The following FBXO31 variants were observed in gnomAD, a reference collection of about 807,000 sequenced individuals.
The protein encoded by FBXO31 is F-box protein 31, also known as F-box only protein 31.
A neutral mutation model predicts 54.4 loss-of-function variants in FBXO31; 24 were observed. The ratio of observed to expected loss-of-function variants is 0.44; its 90% CI spans 0.32 to 0.62. FBXO31 has a LOEUF of 0.62. FBXO31 is among the 20% of genes least tolerant of loss of function. FBXO31 has a pLI of 0.05. For synonymous variants in FBXO31, 388 were observed against 335.6 expected (o/e 1.16, Z -1.71); for missense variants, 665 against 787.1 (o/e 0.84, Z 1.86).
chr16:87,333,966 C>G lies in FBXO31; in HGVS notation c.1317G>C (p.Gln439His). 2 of 1,612,718 alleles carry G rather than the reference C, an allele frequency of 1.2e-6. No homozygotes were observed. The highest frequency in any genetic ancestry group is 1.7e-6 in the Non-Finnish European group (2 of 1,179,792). ...DAVAAAEQPAQCGQGQPFVLP... is the reference protein window; with the variant it reads ...DAVAAAEQPAHCGQGQPFVLP... ...GCACGAACGGCTGCCCCTGCCCACA[C>G]TGGGCAGGCTGCTCGGCCGCAGCTA... Residue 439 changes from glutamine to histidine, a missense_variant, in exon 8 of 9, where the codon CAG becomes CAC. Physicochemically the swap from Gln to His is conservative, Grantham distance 24. Around this residue, in one of 4 missense-constraint regions of FBXO31, gnomAD observed 165 missense variants for 159.7 expected, o/e 1.03. Coordinates refer to ENST00000311635, the MANE Select transcript of FBXO31 (RefSeq NM_024735.5).
rs1905415303 is a variant in FBXO31 at position 87,346,934 on chromosome 16, C to T, written c.489+240G>A. Among the ~76,000 whole-genome samples the T allele has an allele frequency of 6.6e-6, 1 of 152,220 alleles. No homozygotes were observed. On this transcript the variant is annotated intron_variant, in intron 3 of 8. Coordinates refer to ENST00000311635, the MANE Select transcript of FBXO31 (RefSeq NM_024735.5). The surrounding 1 kb of genome is among the most constrained non-coding windows in gnomAD (Gnocchi z 4.2). ...AAGCAAAGGCCCTCACAAGCCACCC[C>T]CTCAGACCAGAGAGTCCAAGGACGG...
intron 1 of FBXO31, chr16:87,389,653 A>C (rs1907451292): frequency 6.6e-6 from 1 of 152,216 alleles, no homozygotes; most frequent in African/African-American, 2.4e-5. Context: ...TCCAGAAAAG[A>C]AAGCAACACA....
At chr16:87,343,489 G>A (rs991293948) in intron 4 of FBXO31, 109 bp downstream of exon 4, 10 of 1,355,958 alleles carry the variant, frequency 7.4e-6, no homozygotes, top group Admixed American at 2.3e-5. Context: ...CCCACCCGCC[G>A]ATCTGCTACA....
intron 1 of FBXO31, among the ~76,000 whole-genome samples, chr16:87,365,029 A>C (rs868106353): frequency 1.9e-5 from 2 of 107,106 alleles, no homozygotes; most frequent in Admixed American, 1.0e-4. Context: ...ATATATATAT[A>C]TATATATATA....
At position 87,336,984 on chromosome 16, in the gene FBXO31, G is replaced by C. The variant is rs1180963072; in HGVS notation, c.733-720C>G. Among the ~76,000 whole-genome samples, 1 of 152,104 alleles carries C rather than the reference G, an allele frequency of 6.6e-6. No homozygotes were observed. Among genetic ancestry groups the C allele is most frequent in the Non-Finnish European group, 1.5e-5 (1 of 68,024 alleles). ...ATTATCTAGACCTAACTCTGAAAGG[G>C]ACGCATAAGCAACTCACAAAAAAGA... On this transcript the variant is annotated intron_variant, in intron 5 of 8. Coordinates refer to ENST00000311635, the MANE Select transcript of FBXO31 (RefSeq NM_024735.5). The surrounding 1 kb of genome is among the most constrained non-coding windows in gnomAD (Gnocchi z 6.5).
rs180834905 is a variant in FBXO31 at position 87,335,516 on chromosome 16, G to A, written c.843-59C>T. 18 of 1,069,600 alleles carry A rather than the reference G, an allele frequency of 1.7e-5. No homozygotes were observed. Among genetic ancestry groups the A allele is most frequent in the East Asian group, 1.3e-4 (3 of 22,936 alleles). The allele number at this position is 1,069,600 out of a possible 1,614,324, so 66.3% of individuals were successfully genotyped here. A position where few individuals can be genotyped will look rare whatever the true frequency, so the allele number is the denominator to read the frequency against. On this transcript the variant is annotated intron_variant, in intron 6 of 8. Coordinates refer to ENST00000311635, the MANE Select transcript of FBXO31 (RefSeq NM_024735.5). The surrounding 1 kb of genome is among the most constrained non-coding windows in gnomAD (Gnocchi z 5.7). ...TCGTGGGGCAGGCAGGACTGAGAAC[G>A]CCCAAGGTGCCAGGGATGAGCTTTG...
Position 87,380,782 on chromosome 16 carries a change from G to C in FBXO31, c.340+2623C>G, listed in dbSNP as rs111960009. Among the ~76,000 whole-genome samples the C allele has an allele frequency of 6.6e-5, 10 of 152,374 alleles. 1 individual carries two copies. The highest frequency in any genetic ancestry group is 2.4e-4 in the African/African-American group (10 of 41,594). ...CGCTGAGAACCGCAGCAGTGGGAAA[G>C]AAAGGATTGAAGGGTCCTATATCTG... is the stretch of plus-strand genomic sequence containing the variant. On this transcript the variant is annotated intron_variant, in intron 1 of 8. Coordinates refer to ENST00000311635, the MANE Select transcript of FBXO31 (RefSeq NM_024735.5).
At position 87,347,186 on chromosome 16, in the gene FBXO31, C is replaced by T. The variant is rs2150676975; in HGVS notation, c.477G>A (p.Leu159=). Residue 159 remains leucine (L), a synonymous_variant, in exon 3 of 9, where the codon CTG becomes CTA. Transcript: ENST00000311635. ...WQPDIGPYGG[L]LNVVVDGLFI... ...CTCCGGGACTTACCACCACGTTCAG[C>T]AGTCCTCCGTATGGCCCGATATCTG... The T allele has an allele frequency of 6.2e-7, 1 of 1,614,086 alleles. No homozygotes were observed.
At chr16:87,339,782 A>G (rs1905136297) in intron 5 of FBXO31, among the ~76,000 whole-genome samples, 1 of 152,258 alleles carries the variant, frequency 6.6e-6, no homozygotes, top group Non-Finnish European at 1.5e-5. Context: ...GAGTTCACAC[A>G]GCAAATAAAC....
At position 87,334,112 on chromosome 16, in the gene FBXO31, C is replaced by T. The variant is rs1178769101; in HGVS notation, c.1171G>A (p.Gly391Ser). 4 of 1,610,736 alleles carry T rather than the reference C, an allele frequency of 2.5e-6. No individual in the cohort carries two copies. Among genetic ancestry groups the T allele is most frequent in the African/African-American group, 2.7e-5 (2 of 75,004 alleles). ...QQEGGHEAGE[G>S]RGRQGPRESQ... ...TCCCGGGGGCCCTGCCGGCCACGAC[C>T]CTCGCCCGCCTCGTGCCCGCCTTCC... The change falls in exon 8 of 9, where the codon GGT becomes AGT. Residue 391 changes from glycine (G) to serine (S), a missense_variant. Gly to Ser is a moderately conservative substitution (Grantham distance 56, BLOSUM62 0). Coordinates refer to ENST00000311635, the MANE Select transcript of FBXO31 (RefSeq NM_024735.5).
rs994226451 is a variant in FBXO31, at chr16:87,338,270, C to T, written c.733-2006G>A. 1.1e-4 allele frequency among the ~76,000 whole-genome samples: 16 copies of T among 151,916 alleles called. No individual in the cohort carries two copies. The highest frequency in any genetic ancestry group is 3.9e-4 in the Admixed American group (6 of 15,286). On this transcript the variant is annotated intron_variant, in intron 5 of 8. Coordinates refer to ENST00000311635, the MANE Select transcript of FBXO31 (RefSeq NM_024735.5). The surrounding 1 kb of genome is among the most constrained non-coding windows in gnomAD (Gnocchi z 4.3). Reference sequence around the variant, plus strand: ...AAAAACAGGGAGCCCAGGACATGCACGACAACGATCAACTTCACGTTGACC... The same window carrying T: ...AAAAACAGGGAGCCCAGGACATGCATGACAACGATCAACTTCACGTTGACC...
chr16:87,381,294 G>T (rs1246560732), intron 1 of FBXO31, among the ~76,000 whole-genome samples: 1 of 151,884 alleles, frequency 6.6e-6, no homozygotes, highest in Non-Finnish European at 1.5e-5. Context: ...AGAGAAAAAA[G>T]ACCAAAAAAA....
In FBXO31 at chr16:87,349,936, C is replaced by T. The variant is rs546188486; in HGVS notation, c.413-2686G>A. Among the ~76,000 whole-genome samples, 10 of 151,656 alleles carry T rather than the reference C, an allele frequency of 6.6e-5. No individual in the cohort carries two copies. In the East Asian group the frequency reaches 1.9e-3, roughly 29 times the overall value. The stretch of plus-strand genomic sequence containing the variant: ...AAAAAAAAAAAAATCCCCTCTATTT[C>T]AAAAGCAGCACATACACAGTCACTG... On this transcript the variant is annotated intron_variant, in intron 2 of 8. Coordinates refer to ENST00000311635, the MANE Select transcript of FBXO31 (RefSeq NM_024735.5).
At chr16:87,376,894 G>C (rs1409646610) in intron 1 of FBXO31, among the ~76,000 whole-genome samples, 1 of 152,196 alleles carries the variant, frequency 6.6e-6, no homozygotes, top group Non-Finnish European at 1.5e-5. Context: ...TCAGGGCTCA[G>C]AAAACTAAGA....
chr16:87,390,672 C>A (rs1261393032), upstream of FBXO31, among the ~76,000 whole-genome samples: 1 of 152,048 alleles, frequency 6.6e-6, no homozygotes, highest in East Asian at 1.9e-4. Context: ...GAACTCTTGA[C>A]CTCGTGATCC....
At chr16:87,354,509 C>G (rs900357657) in intron 2 of FBXO31, among the ~76,000 whole-genome samples, 1 of 151,932 alleles carries the variant, frequency 6.6e-6, no homozygotes, top group Admixed American at 6.6e-5. Context: ...CTGGCTTCAC[C>G]AACGTGCAGA....
chr16:87,362,824 T>C (rs1906195442), intron 1 of FBXO31, among the ~76,000 whole-genome samples: 1 of 152,242 alleles, frequency 6.6e-6, no homozygotes, highest in Admixed American at 6.5e-5. Context: ...CCCAAAGTGC[T>C]GGGATTACAG....
rs1478252838 is a variant in FBXO31 at position 87,329,720 on chromosome 16, T to C, written c.*1568A>G. ...TGCGTGGCTCCCGCTGCTGCCGCCC[T>C]GGAAGGGCGCTTTCTCCACTGGCTT... is the stretch of plus-strand genomic sequence containing the variant. On this transcript the variant is annotated 3_prime_UTR_variant, in exon 9 of 9. Coordinates refer to ENST00000311635, the MANE Select transcript of FBXO31 (RefSeq NM_024735.5). The C allele has an allele frequency of 2.0e-5, 3 of 152,190 alleles. No individual in the cohort carries two copies. Among genetic ancestry groups the C allele is most frequent in the African/African-American group, 7.2e-5 (3 of 41,412 alleles). The allele number at this position is 152,190 out of a possible 1,614,324, so 9.4% of individuals were successfully genotyped here.
chr16:87,334,490 C>T (rs540433361), intron 7 of FBXO31, among the ~76,000 whole-genome samples: 4 of 152,332 alleles, frequency 2.6e-5, no homozygotes, highest in African/African-American at 4.8e-5. Context: ...CCCCTGAGGA[C>T]GGTGGCTCAT....
Sources: gnomAD v4.1 joint callset for allele counts (sites outside exome capture counted in the v4.1 genomes callset) on GRCh38, gnomAD v4.1.1 for gene constraint, gnomAD v4.1.1 regional missense constraint, Gnocchi (gnomAD v3.1) non-coding constraint, MANE v1.5 for transcripts, NCBI Gene and HGNC (gene_info 2026-07-23, HGNC 2026-07-21) for gene names.